SLC25A53: variants seen among roughly 807,000 people sequenced by gnomAD.
SLC25A53 encodes the protein solute carrier family 25 member 53, also known as mitochondrial carrier triple repeat protein 6.
A neutral mutation model predicts 15.0 loss-of-function variants in SLC25A53; 5 were observed. That is an observed-to-expected ratio of 0.33 (90% CI 0.17 to 0.70). The LOEUF (loss-of-function observed/expected upper bound fraction) is 0.70. Among genes scored for constraint, SLC25A53 ranks in the 30% least tolerant of loss-of-function variants. The probability of loss-of-function intolerance (pLI) is 0.67; values close to 1 mark genes in which losing one functional copy is unlikely to be tolerated. For missense variants in SLC25A53, 216 were observed against 241.6 expected, an observed-to-expected ratio of 0.89 and a Z score of 0.70; for synonymous variants, 95 against 100.0, an observed-to-expected ratio of 0.95 and a Z score of 0.30.
intron 1 of SLC25A53, chrX:104,130,649 C>G (rs1432409710): frequency 9.0e-6 from 1 of 110,604 alleles, no homozygotes; most frequent in African/African-American, 3.3e-5. Flanking sequence ...TCATCCCTTC[C>G]CTTACCTTCT....
At chrX:104,152,653 G>C (rs1556370578) in intron 1 of SLC25A53, among the ~76,000 whole-genome samples, 1 of 111,131 alleles carries the variant, frequency 9.0e-6, no homozygotes, top group Non-Finnish European at 1.9e-5. Flanking sequence ...GACCAGGCTG[G>C]TCTTGAACTC....
chrX:104,143,442 A>G (rs1175928302), intron 1 of SLC25A53, among the ~76,000 whole-genome samples: 1 of 112,212 alleles, frequency 8.9e-6, no homozygotes, highest in Non-Finnish European at 1.9e-5. Flanking sequence ...CAGTATGAGA[A>G]CTTCGTGAAG....
At chrX:104,122,424 G>A (rs2075398030) in intron 1 of SLC25A53, among the ~76,000 whole-genome samples, 1 of 106,050 alleles carries the variant, frequency 9.4e-6, no homozygotes, top group South Asian at 4.2e-4. Flanking sequence ...CAGCAGAACT[G>A]AGTCTCAGGA....
intron 1 of SLC25A53, among the ~76,000 whole-genome samples, chrX:104,152,964 G>A (rs1443749635): frequency 2.7e-5 from 3 of 111,502 alleles, no homozygotes; most frequent in Non-Finnish European, 5.6e-5. Flanking sequence ...TGAAATTTCT[G>A]AAAATGTGTC....
intron 1 of SLC25A53, among the ~76,000 whole-genome samples, chrX:104,120,531 T>C (rs1189536647): frequency 9.0e-6 from 1 of 111,610 alleles, no homozygotes. Flanking sequence ...TAACTGGTCT[T>C]TTGATGTTGA....
intron 1 of SLC25A53, among the ~76,000 whole-genome samples, chrX:104,123,015 G>T (rs782126516): frequency 8.0e-5 from 9 of 111,993 alleles, no homozygotes; most frequent in Non-Finnish European, 1.7e-4. Context: ...GTTGTGGTAA[G>T]AATTAAATGA....
intron 1 of SLC25A53, among the ~76,000 whole-genome samples, chrX:104,136,529 G>A (rs17285291): frequency 0.16 from 18,154 of 111,460 alleles, 1,241 homozygotes; most frequent in Non-Finnish European, 0.23. Flanking sequence ...ATCTGACGTG[G>A]ACAGGAACAT....
At chrX:104,110,422 C>T (rs1397297369) in intron 1 of SLC25A53, among the ~76,000 whole-genome samples, 1 of 111,442 alleles carries the variant, frequency 9.0e-6, no homozygotes, top group Non-Finnish European at 1.9e-5. Context: ...GTGCTTATCT[C>T]CAAATTTTTA....
intron 1 of SLC25A53, among the ~76,000 whole-genome samples, chrX:104,110,490 C>T (rs1174482948): frequency 8.9e-6 from 1 of 112,080 alleles, no homozygotes; most frequent in African/African-American, 3.3e-5. Flanking sequence ...CGGAAAGGAG[C>T]AAGTGAAGTA....
intron 1 of SLC25A53, among the ~76,000 whole-genome samples, chrX:104,116,278 G>C (rs2075376697): frequency 9.0e-6 from 1 of 111,308 alleles, no homozygotes; most frequent in Admixed American, 9.5e-5. Context: ...TTTCTGGTAG[G>C]TACAGTAGTC....
rs12392719 is a variant in SLC25A53, at chrX:104,150,216, G to C, written c.-32+6662C>G. On this transcript the variant is annotated intron_variant, in intron 1 of 1. Transcript: ENST00000594199. The stretch of plus-strand genomic sequence containing the variant: ...CCACTGCACTCCAGTCTGGGTGACA[G>C]AGCAAGACTCTGTCTCAAAAAAGAA... 3.1e-3 allele frequency among the ~76,000 whole-genome samples: 316 copies of C among 102,948 alleles called. 4 individuals carry two copies. The highest frequency in any genetic ancestry group is 0.011 in the African/African-American group (306 of 27,873). 89.4% of individuals were successfully genotyped at this position (102,948 alleles called of 115,157 possible).
Position 104,104,555 on chromosome X carries a change from G to A in SLC25A53, c.703C>T (p.Leu235=), listed in dbSNP as rs144370805. ...ATATGGGACTGCATATTAGCAACCA[G>A]CACAATCAGAGGATACAGAACTAGG... ...TCLVLYPLIV[L]VANMQSHIGW... The change falls in exon 2 of 2, where the codon CTG becomes TTG. Residue 235 remains leucine (L), a synonymous_variant. Coordinates refer to ENST00000594199, the MANE Select transcript of SLC25A53 (RefSeq NM_001012755.5). The A allele has an allele frequency of 3.3e-6, 4 of 1,210,017 alleles. No individual in the cohort carries two copies. The highest frequency in any genetic ancestry group is 3.5e-5 in the African/African-American group (2 of 57,181).
chrX:104,114,379 C>T, intron 1 of SLC25A53: 2 of 1,211,778 alleles, frequency 1.7e-6, no homozygotes, highest in Non-Finnish European at 2.2e-6. Context: ...GATGAAAACA[C>T]TTAGGGGCCC....
intron 1 of SLC25A53, among the ~76,000 whole-genome samples, chrX:104,143,732 A>T (rs2075457814): frequency 9.0e-6 from 1 of 111,731 alleles, no homozygotes; most frequent in African/African-American, 3.3e-5. Flanking sequence ...GCCAACATTC[A>T]AATTCAGGAA....
chrX:104,131,909 T>C (rs899359135), intron 1 of SLC25A53, among the ~76,000 whole-genome samples: 1 of 111,813 alleles, frequency 8.9e-6, no homozygotes, highest in Non-Finnish European at 1.9e-5. Context: ...ACACGTGCTC[T>C]CTTCCTTGTG....
At chrX:104,132,601 A>C (rs2075428188) in intron 1 of SLC25A53, among the ~76,000 whole-genome samples, 1 of 112,154 alleles carries the variant, frequency 8.9e-6, no homozygotes, top group African/African-American at 3.2e-5. Flanking sequence ...ATCCTCCTTC[A>C]GATGTAACAA....
rs1243748178 is a variant in SLC25A53, at chrX:104,104,314, C to T, written c.*20G>A. 3 of 1,195,276 alleles carry T rather than the reference C, an allele frequency of 2.5e-6. No individual in the cohort carries two copies. The African/African-American group carries it at 5.2e-5, about 21-fold the overall frequency. On this transcript the variant is annotated 3_prime_UTR_variant, in exon 2 of 2. Coordinates refer to ENST00000594199, the MANE Select transcript of SLC25A53 (RefSeq NM_001012755.5). ...GGGAAGATTTAGAATAACAAAGCTG[C>T]CATGCCACACTTTCTGCAGCTAGTC...
At chrX:104,123,844 A>G (rs1359779526) in intron 1 of SLC25A53, among the ~76,000 whole-genome samples, 1 of 111,213 alleles carries the variant, frequency 9.0e-6, no homozygotes, top group Non-Finnish European at 1.9e-5. Flanking sequence ...TAGTTTGCTG[A>G]TAACAATGGT....
chrX:104,143,093 G>A (rs917309145), intron 1 of SLC25A53, among the ~76,000 whole-genome samples: 1 of 110,885 alleles, frequency 9.0e-6, no homozygotes, highest in Non-Finnish European at 1.9e-5. Flanking sequence ...AACCCCATCG[G>A]TAGGTCACGA....
Sources: gnomAD v4.1 joint callset for allele counts (sites outside exome capture counted in the v4.1 genomes callset) on GRCh38, gnomAD v4.1.1 for gene constraint, MANE v1.5 for transcripts, NCBI Gene and HGNC (gene_info 2026-07-23, HGNC 2026-07-21) for gene names.